Variants in GPR33 observed in about 807,000 individuals in gnomAD.
GPR33 encodes the protein probable G protein-coupled receptor 33.
GPR33 carries 4 observed loss-of-function variants against 3.1 expected under a neutral mutation model. The observed-to-expected ratio is 1.29, with a 90% CI of 0.64 to 2.96. GPR33 has a LOEUF of 2.96. Among genes scored for constraint, GPR33 ranks in the 30% most tolerant of loss-of-function variants. The probability of loss-of-function intolerance (pLI) is 0.01; values close to 1 mark genes in which losing one functional copy is unlikely to be tolerated. For missense variants in GPR33, 390 were observed against 388.9 expected (o/e 1.00, Z -0.02); for synonymous variants, 138 against 142.0 (o/e 0.97, Z 0.20).
chr14:31,485,917 G>A (rs2032415578), intron 1 of GPR33, among the ~76,000 whole-genome samples: 1 of 152,036 alleles, frequency 6.6e-6, no homozygotes, highest in Admixed American at 6.6e-5. Flanking sequence ...GGATCCCATG[G>A]TATCAAAAAT....
chr14:31,484,896 A>G (rs572163374), intron 1 of GPR33, among the ~76,000 whole-genome samples: 2 of 152,284 alleles, frequency 1.3e-5, no homozygotes, highest in East Asian at 3.9e-4. Flanking sequence ...AAGTACCTTC[A>G]GAATCATCAA....
chr14:31,482,895 T>G lies in GPR33; in HGVS notation c.*69A>C. 7.8e-7 allele frequency: 1 copy of G among 1,278,856 alleles called. No homozygotes were observed. The highest frequency in any genetic ancestry group is 1.0e-6 in the Non-Finnish European group (1 of 953,416). 79.2% of individuals were successfully genotyped at this position (1,278,856 alleles called of 1,614,324 possible). A position where few individuals can be genotyped will look rare whatever the true frequency, so the allele number is the denominator to read the frequency against. ...ATAGCATACAAAAGCAGAAGGTATATCCTATTGGTATAATTGACCAAGTGC... is the reference window on the plus strand; with the variant it reads ...ATAGCATACAAAAGCAGAAGGTATAGCCTATTGGTATAATTGACCAAGTGC... On this transcript the variant is annotated 3_prime_UTR_variant, in exon 2 of 2. Coordinates refer to ENST00000399285, the MANE Select transcript of GPR33 (RefSeq NM_001197184.3).
intron 1 of GPR33, among the ~76,000 whole-genome samples, chr14:31,487,312 A>G (rs930960590): frequency 6.6e-6 from 1 of 152,016 alleles, no homozygotes; most frequent in Non-Finnish European, 1.5e-5. Flanking sequence ...GAATAAATAA[A>G]TGGGGCAGAT....
chr14:31,485,279 AAG>A (rs1163469794), intron 1 of GPR33, among the ~76,000 whole-genome samples: 6 of 152,108 alleles, frequency 3.9e-5, no homozygotes, highest in African/African-American at 1.4e-4. Context: ...AGGGGACAAA[AAG>A]GAGAAAAGTC....
intron 1 of GPR33, among the ~76,000 whole-genome samples, 167 bp downstream of exon 1, chr14:31,487,730 G>GC (rs2032435903): frequency 6.6e-6 from 1 of 152,114 alleles, no homozygotes; most frequent in Admixed American, 6.6e-5. Context: ...GAGCCACCGT[G>GC]CCCAGCCACA....
chr14:31,483,129 C>T lies in GPR33; in HGVS notation c.837G>A (p.Leu279=). The part of the protein sequence containing the change: ...LTTNQSLLLE[L]TLILTVLTTS... ...TGGTTAGCACTGTAAGTATCAAAGT[C>T]AACTCTAAAAGTAGTGACTGGTTCG... The change falls in exon 2 of 2, where the codon TTG becomes TTA. Residue 279 remains leucine, a synonymous_variant. Coordinates refer to ENST00000399285, the MANE Select transcript of GPR33 (RefSeq NM_001197184.3). 1 of 1,536,092 alleles carries T rather than the reference C, an allele frequency of 6.5e-7. No individual in the cohort carries two copies. The highest frequency in any genetic ancestry group is 8.7e-7 in the Non-Finnish European group (1 of 1,146,902).
chr14:31,485,892 A>T (rs1260645209), intron 1 of GPR33, among the ~76,000 whole-genome samples: 1 of 152,164 alleles, frequency 6.6e-6, no homozygotes, highest in Non-Finnish European at 1.5e-5. Context: ...TAAAATATCC[A>T]ATTTCTTGGA....
intron 1 of GPR33, among the ~76,000 whole-genome samples, chr14:31,487,442 T>TTTTG (rs1555375926): frequency 8.9e-4 from 116 of 130,790 alleles, no homozygotes; most frequent in African/African-American, 3.4e-3. Context: ...GTTTTTTTTT[T>TTTTG]TTTTTTTTTT....
At chr14:31,485,357 C>T (rs917543590) in intron 1 of GPR33, among the ~76,000 whole-genome samples, 1 of 151,126 alleles carries the variant, frequency 6.6e-6, no homozygotes, top group Non-Finnish European at 1.5e-5. Flanking sequence ...CATTTCTGGC[C>T]GGGCGCGGTG....
intron 1 of GPR33, among the ~76,000 whole-genome samples, chr14:31,485,637 CAAA>C (rs34013315): frequency 6.2e-5 from 7 of 113,230 alleles, no homozygotes; most frequent in Non-Finnish European, 5.5e-5. Context: ...GACTCTGTCT[CAAA>C]AAAAAAAAAA....
Position 31,483,781 on chromosome 14 carries a change from ACAGT to A in GPR33, c.181_184del (p.Thr61SerfsTer18). 6.5e-7 allele frequency: 1 copy of A among 1,536,066 alleles called. No individual in the cohort carries two copies. Among genetic ancestry groups the A allele is most frequent in the Non-Finnish European group, 8.7e-7 (1 of 1,146,852 alleles). On this transcript the variant is annotated frameshift_variant, in exon 2 of 2. Transcript: ENST00000399285. LOFTEE classifies it low-confidence loss of function (END_TRUNC). ...GAGATGAAAAAATAAGAGAGTATTG[ACAGT>A]CTGTTTCATCTTGAATCTTAGCACC...
chr14:31,484,005 G>GA, intron 1 of GPR33, 34 bp from the exon 2 acceptor site: 1 of 1,439,086 alleles, frequency 6.9e-7, no homozygotes, highest in Non-Finnish European at 9.1e-7. Flanking sequence ...ATAACAACAA[G>GA]AAAAAGCAAA....
intron 1 of GPR33, among the ~76,000 whole-genome samples, chr14:31,484,826 C>T (rs2032400222): frequency 6.6e-6 from 1 of 152,106 alleles, no homozygotes; most frequent in African/African-American, 2.4e-5. Flanking sequence ...TTCTAATACT[C>T]AGCACATAAC....
intron 1 of GPR33, among the ~76,000 whole-genome samples, chr14:31,485,446 C>T (rs372093022): frequency 5.3e-5 from 8 of 151,234 alleles, no homozygotes; most frequent in South Asian, 2.1e-4. Context: ...CCATCCTGGC[C>T]AACATGGTGA....
chr14:31,483,485 T>A lies in GPR33; in HGVS notation c.481A>T (p.Ile161Phe). Residue 161 changes from isoleucine (I) to phenylalanine (F), a missense_variant, in exon 2 of 2, where the codon ATC (isoleucine) becomes TTC (phenylalanine). Transcript: ENST00000399285. Reference sequence around the variant, plus strand: ...GTCTCTCTGAAAATCAAATAGGGGATGCTGAGGGCAGCGGCTGAAATCCAG... The same window carrying A: ...GTCTCTCTGAAAATCAAATAGGGGAAGCTGAGGGCAGCGGCTGAAATCCAG... The part of the protein sequence containing the change: ...GVWISAAALS[I>F]PYLIFRETHH... 1 of 1,536,164 alleles carries A rather than the reference T, an allele frequency of 6.5e-7. No individual in the cohort carries two copies. Among genetic ancestry groups the A allele is most frequent in the Non-Finnish European group, 8.7e-7 (1 of 1,146,914 alleles).
chr14:31,485,005 G>A (rs1382484902), intron 1 of GPR33, among the ~76,000 whole-genome samples: 1 of 151,348 alleles, frequency 6.6e-6, no homozygotes, highest in Non-Finnish European at 1.5e-5. Flanking sequence ...GCATGATCTT[G>A]GCTTACTGCA....
Position 31,482,981 on chromosome 14 carries a change from C to T in GPR33, c.985G>A (p.Glu329Lys), listed in dbSNP as rs1003327329. ...TTCTGAGTTTAGGTTTGTGTCCTTT[C>T]TACAGAAGAATCTTCACTAAATGTT... ...ESTFSEDSSV[E>K]RTQT The change falls in exon 2 of 2, where the codon GAA (glutamate) becomes AAA (lysine). Residue 329 changes from glutamate (E) to lysine (K), a missense_variant. Coordinates refer to ENST00000399285, the MANE Select transcript of GPR33 (RefSeq NM_001197184.3). 6.6e-7 allele frequency: 1 copy of T among 1,519,188 alleles called. No homozygotes were observed. The highest frequency in any genetic ancestry group is 1.4e-5 in the African/African-American group (1 of 72,182). 94.1% of individuals were successfully genotyped at this position (1,519,188 alleles called of 1,614,324 possible).
In GPR33 at chr14:31,483,962, C is replaced by A. The variant is rs1214763665; in HGVS notation, c.4G>T (p.Asp2Tyr). 6.5e-7 allele frequency: 1 copy of A among 1,528,296 alleles called. No individual in the cohort carries two copies. The highest frequency in any genetic ancestry group is 1.4e-5 in the African/African-American group (1 of 72,766). The allele number at this position is 1,528,296 out of a possible 1,614,324, so 94.7% of individuals were successfully genotyped here. A position where few individuals can be genotyped will look rare whatever the true frequency, so the allele number is the denominator to read the frequency against. ...AGGTAATCAGTAGAGTTGATCAGAT[C>A]CATAATGACCTGTGGAGTGAGAAAC... M[D>Y]LINSTDYLIN... Residue 2 changes from aspartate to tyrosine, a missense_variant, in exon 2 of 2, where the codon GAT becomes TAT. Asp to Tyr is a radical substitution (Grantham distance 160). Transcript: ENST00000399285.
At chr14:31,485,392 T>C (rs2032407923) in intron 1 of GPR33, among the ~76,000 whole-genome samples, 1 of 151,614 alleles carries the variant, frequency 6.6e-6, no homozygotes, top group Admixed American at 6.6e-5. Flanking sequence ...TTCCAGCACT[T>C]TGGGAGGCCG....
Sources: gnomAD v4.1 joint callset for allele counts (sites outside exome capture counted in the v4.1 genomes callset) on GRCh38, gnomAD v4.1.1 for gene constraint, MANE v1.5 for transcripts, NCBI Gene and HGNC (gene_info 2026-07-23, HGNC 2026-07-21) for gene names.